GTF2H3: variants seen among roughly 807,000 people sequenced by gnomAD.
The protein encoded by GTF2H3 is TFIIH basal transcription factor complex p34 subunit.
GTF2H3 carries 42 observed loss-of-function variants against 51.1 expected under a neutral mutation model. The observed-to-expected ratio is 0.82, with a 90% CI of 0.64 to 1.06. The LOEUF is 1.06. GTF2H3 is among the 50% of genes least tolerant of loss of function. The pLI, the probability that GTF2H3 is intolerant of heterozygous loss-of-function variation, is 0.00. For synonymous variants in GTF2H3, 123 were observed against 123.8 expected, an observed-to-expected ratio of 0.99 and a Z score of 0.04; for missense variants, 326 against 366.1, an observed-to-expected ratio of 0.89 and a Z score of 0.89.
At position 123,662,466 on chromosome 12, in the gene GTF2H3, C is replaced by T. The variant is rs1440940244; in HGVS notation, c.*2231C>T. 2 of 152,100 alleles carry T rather than the reference C, an allele frequency of 1.3e-5. No individual in the cohort carries two copies. Among genetic ancestry groups the T allele is most frequent in the Admixed American group, 1.3e-4 (2 of 15,276 alleles). The allele number at this position is 152,100 out of a possible 1,614,324, so 9.4% of individuals were successfully genotyped here. On this transcript the variant is annotated 3_prime_UTR_variant, in exon 13 of 13. Transcript: ENST00000543341. ...ATAAAGTATTATATATACTTTCAAA[C>T]AAGCTAGCAAGGCTTTTATTATTAC... is the stretch of plus-strand genomic sequence containing the variant.
chr12:123,641,527 G>GTTTTTTTTTTTTTTT (rs112546170), intron 2 of GTF2H3, among the ~76,000 whole-genome samples: 1 of 128,548 alleles, frequency 7.8e-6, no homozygotes, highest in African/African-American at 3.4e-5. Flanking sequence ...GTCTGCCCCC[G>GTTTTTTTTTTTTTTT]TTTTTTTTTT....
In GTF2H3 at chr12:123,654,882, T is replaced by C; in HGVS notation, c.487-42T>C. On this transcript the variant is annotated intron_variant, in intron 7 of 12. Transcript: ENST00000543341. ...TTGTGTGACATTGGTGTGAGAGGAC[T>C]GGCATGTGCCTGGGTGGAATTAACA... is the stretch of plus-strand genomic sequence containing the variant. 3 of 1,340,170 alleles carry C rather than the reference T, an allele frequency of 2.2e-6. No homozygotes were observed. In the South Asian group the frequency reaches 3.5e-5, roughly 16 times the overall value. The allele number at this position is 1,340,170 out of a possible 1,614,324, so 83.0% of individuals were successfully genotyped here.
rs1431082373 is a variant in GTF2H3 at position 123,654,965 on chromosome 12, C to T, written c.528C>T (p.Asn176=). The stretch of plus-strand genomic sequence containing the variant: ...AAGACAGTGCGTTGCAGTATATGAA[C>T]TTCATGAATGTCATCTTTGCAGCAC... ...AAEDSALQYM[N]FMNVIFAAQK... Residue 176 remains asparagine (N), a synonymous_variant, in exon 8 of 13, where the codon AAC becomes AAT. Coordinates refer to ENST00000543341, the MANE Select transcript of GTF2H3 (RefSeq NM_001516.5). The T allele has an allele frequency of 3.7e-6, 6 of 1,613,172 alleles. No homozygotes were observed. The South Asian group carries it at 4.4e-5, about 12-fold the overall frequency.
chr12:123,643,344 G>A (rs1385358861), intron 2 of GTF2H3, among the ~76,000 whole-genome samples: 2 of 152,088 alleles, frequency 1.3e-5, no homozygotes, highest in Admixed American at 1.3e-4. Context: ...AGTAATATTC[G>A]TATGTACTTG....
rs1335730367 is a variant in GTF2H3, at chr12:123,647,965, G to A, written c.203G>A (p.Arg68Gln). ...GGTTTTTTCCCCTGCTGTTTCAGCC[G>A]ATTCTTATATCCTGGAAAGAATGGC... ...AVIASHIQES[R>Q]FLYPGKNGRL... is the part of the protein sequence containing the mutation. The change falls in exon 4 of 13, where the codon CGA becomes CAA. Residue 68 changes from arginine (R) to glutamine (Q), a missense_variant and splice_region_variant. Arg to Gln is a conservative substitution (Grantham distance 43). Coordinates refer to ENST00000543341, the MANE Select transcript of GTF2H3 (RefSeq NM_001516.5). 18 of 1,610,896 alleles carry A rather than the reference G, an allele frequency of 1.1e-5. No individual in the cohort carries two copies. Among genetic ancestry groups the A allele is most frequent in the Admixed American group, 3.4e-5 (2 of 59,290 alleles).
rs1955531115 is a variant in GTF2H3 at position 123,652,451 on chromosome 12, T to C, written c.428-81T>C. On this transcript the variant is annotated intron_variant, in intron 5 of 12. Transcript: ENST00000543341. Reference sequence around the variant, plus strand: ...AGGTAGATGCTGGGTTTATTTAAAATTGGAGGTTATTTTTCTTTTTACTAT... The same window carrying C: ...AGGTAGATGCTGGGTTTATTTAAAACTGGAGGTTATTTTTCTTTTTACTAT... 9 of 790,022 alleles carry C rather than the reference T, an allele frequency of 1.1e-5. No homozygotes were observed. In the South Asian group the frequency reaches 1.4e-4, roughly 12 times the overall value. The allele number at this position is 790,022 out of a possible 1,614,324, so 48.9% of individuals were successfully genotyped here.
At chr12:123,649,474 C>T (rs569357607) in intron 4 of GTF2H3, 1 of 152,348 alleles carries the variant, frequency 6.6e-6, no homozygotes, top group Non-Finnish European at 1.5e-5. Flanking sequence ...GCACATTCAC[C>T]CCACGTTTAG....
intron 7 of GTF2H3, among the ~76,000 whole-genome samples, chr12:123,654,691 G>C (rs952760820): frequency 6.6e-6 from 1 of 152,012 alleles, no homozygotes; most frequent in Non-Finnish European, 1.5e-5. Context: ...GGGTGTGCAT[G>C]TATATACCTG....
chr12:123,652,236 C>T (rs868459167), intron 5 of GTF2H3, among the ~76,000 whole-genome samples: 5 of 152,114 alleles, frequency 3.3e-5, no homozygotes, highest in South Asian at 4.1e-4. Context: ...CAGTACTTGT[C>T]CCAGGATTCA....
At chr12:123,657,323 A>T (rs955284575) in intron 9 of GTF2H3, among the ~76,000 whole-genome samples, 1 of 152,170 alleles carries the variant, frequency 6.6e-6, no homozygotes, top group African/African-American at 2.4e-5. Context: ...GGCCTTCCAG[A>T]TGCTGCTTGC....
At chr12:123,656,697 A>G (rs1955591554) in intron 9 of GTF2H3, among the ~76,000 whole-genome samples, 4 of 152,194 alleles carry the variant, frequency 2.6e-5, no homozygotes, top group African/African-American at 9.7e-5. Flanking sequence ...GTGGCAGTGC[A>G]GTTCACTCAG....
intron 2 of GTF2H3, among the ~76,000 whole-genome samples, chr12:123,644,314 T>C (rs1481135390): frequency 6.6e-6 from 1 of 152,196 alleles, no homozygotes; most frequent in African/African-American, 2.4e-5. Flanking sequence ...TAATATTAGT[T>C]CTTGTGGGAA....
intron 2 of GTF2H3, among the ~76,000 whole-genome samples, chr12:123,643,214 G>T (rs1296674126): frequency 6.6e-6 from 1 of 152,190 alleles, no homozygotes; most frequent in Admixed American, 6.5e-5. Flanking sequence ...ATGGATACAA[G>T]AATTCAGCAA....
chr12:123,659,071 A>G (rs1436403405), intron 9 of GTF2H3, among the ~76,000 whole-genome samples: 2 of 152,384 alleles, frequency 1.3e-5, no homozygotes, highest in East Asian at 3.9e-4. Flanking sequence ...TGGTGAGGAT[A>G]TAGAGAAATT....
Position 123,645,377 on chromosome 12 carries a change from C to A in GTF2H3, c.94-78C>A, listed in dbSNP as rs11057315. The A allele has an allele frequency of 0.02, 15,894 of 801,124 alleles. 1,635 individuals are homozygous for A. The African/African-American group carries it at 0.23, about 12-fold the overall frequency. 49.6% of individuals were successfully genotyped at this position (801,124 alleles called of 1,614,324 possible). A position where few individuals can be genotyped will look rare whatever the true frequency, so the allele number is the denominator to read the frequency against. ...GAGCCACTGCACCCAGCCTAAACGACATCTTAATTATGTCAAGACCTGACA... is the reference window on the plus strand; with the variant it reads ...GAGCCACTGCACCCAGCCTAAACGAAATCTTAATTATGTCAAGACCTGACA... On this transcript the variant is annotated intron_variant, in intron 2 of 12. Transcript: ENST00000543341.
Position 123,652,690 on chromosome 12 carries a change from CT to C in GTF2H3, c.458-11del. 6.5e-7 allele frequency: 1 copy of C among 1,532,568 alleles called. No individual in the cohort carries two copies. Among genetic ancestry groups the C allele is most frequent in the Non-Finnish European group, 8.9e-7 (1 of 1,127,424 alleles). 94.9% of individuals were successfully genotyped at this position (1,532,568 alleles called of 1,614,324 possible). ...TAAGATTTAGTTAAATTTTTTTCTG[CT>C]TTTTTCTCTTTGTAGACAATCAGGA... is the stretch of plus-strand genomic sequence containing the variant. On this transcript the variant is annotated splice_polypyrimidine_tract_variant and intron_variant, in intron 6 of 12. Transcript: ENST00000543341.
chr12:123,655,939 C>T (rs1345474973), intron 9 of GTF2H3, 115 bp downstream of exon 9: 2 of 664,892 alleles, frequency 3.0e-6, no homozygotes, highest in Non-Finnish European at 5.3e-6. Flanking sequence ...ATATGTTATT[C>T]AGCCTAATTT....
At position 123,659,378 on chromosome 12, in the gene GTF2H3, AAAAAT is replaced by A. The variant is rs1176025462; in HGVS notation, c.616-130_616-126del. On this transcript the variant is annotated intron_variant, in intron 9 of 12. Coordinates refer to ENST00000543341, the MANE Select transcript of GTF2H3 (RefSeq NM_001516.5). The stretch of plus-strand genomic sequence containing the variant: ...CAAGACTCTGTCAAAATATAAAAAT[AAAAAT>A]AAAATAATAATAATCTGCAGTGTCA... 35 of 700,706 alleles carry A rather than the reference AAAAAT, an allele frequency of 5.0e-5. 1 individual carries two copies. In the Admixed American group the frequency reaches 6.6e-4, roughly 13 times the overall value. The allele number at this position is 700,706 out of a possible 1,614,324, so 43.4% of individuals were successfully genotyped here.
At chr12:123,642,712 A>G (rs1269945556) in intron 2 of GTF2H3, among the ~76,000 whole-genome samples, 2 of 152,182 alleles carry the variant, frequency 1.3e-5, no homozygotes, top group East Asian at 1.9e-4. Flanking sequence ...ATTGTCATAC[A>G]TATTACACCT....
Sources: allele counts gnomAD v4.1 joint callset (sites outside exome capture counted in the v4.1 genomes callset), GRCh38; gene constraint gnomAD v4.1.1; transcripts MANE v1.5; gene names NCBI Gene and HGNC (gene_info 2026-07-23, HGNC 2026-07-21).